The following PDE4B variants were observed in gnomAD, a reference collection of about 807,000 sequenced individuals.
The protein encoded by PDE4B is phosphodiesterase 4B, also known as 3',5'-cyclic-AMP phosphodiesterase 4B.
PDE4B carries 20 observed loss-of-function variants against 82.2 expected under a neutral mutation model. The ratio of observed to expected loss-of-function variants is 0.24; its 90% CI spans 0.17 to 0.35. PDE4B has a LOEUF of 0.35. Ranked by LOEUF, PDE4B falls within the 10% of genes least tolerant of loss-of-function variation. The pLI, the probability that PDE4B is intolerant of heterozygous loss-of-function variation, is 1.00. For synonymous variants in PDE4B, 320 were observed against 318.9 expected (o/e 1.00, Z -0.04); for missense variants, 655 against 907.2 (o/e 0.72, Z 3.57).
intron 3 of PDE4B, among the ~76,000 whole-genome samples, chr1:66,122,712 T>TA (rs1016131791): frequency 6.8e-6 from 1 of 147,870 alleles, no homozygotes; most frequent in African/African-American, 2.5e-5. Context: ...TCTTTTTTTT[T>TA]TTTTTTTTTT....
chr1:66,257,391 G>T lies in PDE4B; in HGVS notation c.477-256G>T, dbSNP rs1440123001. 4 of 670,080 alleles carry T rather than the reference G, an allele frequency of 6.0e-6. No homozygotes were observed. The Admixed American group carries it at 6.0e-5, about 10-fold the overall frequency. The allele number at this position is 670,080 out of a possible 1,614,324, so 41.5% of individuals were successfully genotyped here. ...TTATTTAATGGGAATATATCCTGAG[G>T]ATATATGCTTACTTGCAAATGCTTT... On this transcript the variant is annotated intron_variant, in intron 4 of 16. Transcript: ENST00000341517.
intron 2 of PDE4B, 29 bp from the exon 3 acceptor site, chr1:65,918,568 C>CT (rs971517100): frequency 1.5e-6 from 2 of 1,303,042 alleles, no homozygotes; most frequent in Non-Finnish European, 2.2e-6. Flanking sequence ...TCTTTCTCTT[C>CT]TTTTTTTCTT....
chr1:66,286,286 G>A (rs143924812), intron 7 of PDE4B, among the ~76,000 whole-genome samples: 183 of 152,180 alleles, frequency 1.2e-3, no homozygotes, highest in African/African-American at 3.9e-3. Flanking sequence ...CTCGTCATGA[G>A]CCCCATCATT....
intron 3 of PDE4B, chr1:65,992,642 T>G: frequency 1.1e-6 from 1 of 929,650 alleles, no homozygotes; most frequent in Non-Finnish European, 1.4e-6. Context: ...ACAAACCTCA[T>G]CCACAAGGAG....
chr1:66,277,185 G>A (rs544227096), intron 7 of PDE4B, among the ~76,000 whole-genome samples: 105 of 152,178 alleles, frequency 6.9e-4, no homozygotes, highest in African/African-American at 2.4e-3. Context: ...CCTCAGAGAT[G>A]CCACAGCCAG....
rs189555894 is a variant in PDE4B at position 65,803,054 on chromosome 1, G to A, written c.-71+9806G>A. Reference sequence around the variant, plus strand: ...TGACATATATTAATATTATCCAAGAGCAAATATATTTTTTAAAAGAATAAA... The same window carrying A: ...TGACATATATTAATATTATCCAAGAACAAATATATTTTTTAAAAGAATAAA... On this transcript the variant is annotated intron_variant, in intron 1 of 16. Transcript: ENST00000341517. Among the ~76,000 whole-genome samples, 18 of 152,006 alleles carry A rather than the reference G, an allele frequency of 1.2e-4. No individual in the cohort carries two copies. The East Asian group carries it at 3.3e-3, about 28-fold the overall frequency.
At chr1:66,247,439 G>A in intron 3 of PDE4B, 21 bp from the exon 4 acceptor site, 1 of 1,532,716 alleles carries the variant, frequency 6.5e-7, no homozygotes, top group Non-Finnish European at 8.8e-7. Context: ...TGTGACCAGA[G>A]TTTCCCACTT....
At chr1:65,985,932 G>A (rs1252573378) in intron 3 of PDE4B, among the ~76,000 whole-genome samples, 1 of 152,020 alleles carries the variant, frequency 6.6e-6, no homozygotes, top group Non-Finnish European at 1.5e-5. Flanking sequence ...ACTGCGGCAG[G>A]AATGTGAATA....
intron 3 of PDE4B, among the ~76,000 whole-genome samples, chr1:65,938,814 T>C (rs970796487): frequency 1.3e-5 from 2 of 152,050 alleles, no homozygotes; most frequent in Non-Finnish European, 2.9e-5. Flanking sequence ...GAGATGCAAT[T>C]TGAAAGGGCC....
At chr1:66,291,374 A>G (rs1334519034) in intron 7 of PDE4B, among the ~76,000 whole-genome samples, 11 of 152,158 alleles carry the variant, frequency 7.2e-5, no homozygotes, top group Admixed American at 1.3e-4. Flanking sequence ...GTACAGTATA[A>G]TGGCAAATCA....
At chr1:66,054,719 A>G (rs1655211834) in intron 3 of PDE4B, among the ~76,000 whole-genome samples, 1 of 152,126 alleles carries the variant, frequency 6.6e-6, no homozygotes, top group Admixed American at 6.5e-5. Context: ...TCTCATGTGT[A>G]CCCTACTTCA....
In PDE4B at chr1:65,955,802, C is replaced by T. The variant is rs80100561; in HGVS notation, c.281+36967C>T. The stretch of plus-strand genomic sequence containing the variant: ...TTTATAGGGTTACGTGCTGTTCTCA[C>T]GCTGGCCTCTGATTCTTTGAGGACA... On this transcript the variant is annotated intron_variant, in intron 3 of 16. Coordinates refer to ENST00000341517, the MANE Select transcript of PDE4B (RefSeq NM_002600.4). 5.9e-3 allele frequency among the ~76,000 whole-genome samples: 893 copies of T among 152,224 alleles called. 7 individuals carry two copies. The highest frequency in any genetic ancestry group is 0.02 in the African/African-American group (849 of 41,544).
intron 3 of PDE4B, among the ~76,000 whole-genome samples, chr1:66,122,928 A>G (rs928920373): frequency 5.1e-4 from 75 of 146,660 alleles, no homozygotes; most frequent in Non-Finnish European, 1.1e-3. Flanking sequence ...CTCGTCTTGA[A>G]CTCCTGACCT....
intron 15 of PDE4B, 80 bp downstream of exon 15, chr1:66,368,145 T>A: frequency 6.8e-7 from 1 of 1,480,338 alleles, no homozygotes; most frequent in Non-Finnish European, 9.3e-7. Context: ...AAAACAAAGA[T>A]AAATTCAGTT....
intron 3 of PDE4B, among the ~76,000 whole-genome samples, chr1:66,004,162 G>A (rs975690964): frequency 6.6e-6 from 1 of 152,174 alleles, no homozygotes; most frequent in Non-Finnish European, 1.5e-5. Context: ...AGTAATGTGT[G>A]TATGATGGTT....
At chr1:65,848,872 G>A (rs1646297763) in intron 1 of PDE4B, among the ~76,000 whole-genome samples, 1 of 152,032 alleles carries the variant, frequency 6.6e-6, no homozygotes, top group Non-Finnish European at 1.5e-5. Context: ...TATTGTGGAT[G>A]GAAGGAAGTT....
intron 3 of PDE4B, among the ~76,000 whole-genome samples, chr1:65,968,373 G>GTATGTCAGGCATTGTGC (rs1649959826): frequency 1.3e-5 from 2 of 152,198 alleles, no homozygotes; most frequent in East Asian, 3.9e-4. Context: ...TGTCTTCTCT[G>GTATGTCAGGCATTGTGC]TATGTCAGGC....
At chr1:66,065,915 A>C (rs1424562524) in intron 3 of PDE4B, among the ~76,000 whole-genome samples, 1 of 151,704 alleles carries the variant, frequency 6.6e-6, no homozygotes, top group African/African-American at 2.4e-5. Context: ...CTAGGGTTTT[A>C]CTTTTATTTA....
chr1:66,044,497 T>C (rs1438871914), intron 3 of PDE4B, among the ~76,000 whole-genome samples: 3 of 151,744 alleles, frequency 2.0e-5, no homozygotes, highest in South Asian at 2.1e-4. Context: ...CTCAGCTTGT[T>C]TGAATTGCTT....
Sources: gnomAD v4.1 joint callset for allele counts (sites outside exome capture counted in the v4.1 genomes callset) on GRCh38, gnomAD v4.1.1 for gene constraint, MANE v1.5 for transcripts, NCBI Gene and HGNC (gene_info 2026-07-23, HGNC 2026-07-21) for gene names.